Variants in LRMDA observed in about 807,000 individuals in gnomAD.
LRMDA encodes leucine-rich melanocyte differentiation-associated protein.
LRMDA carries 18 observed loss-of-function variants against 29.8 expected under a neutral mutation model. The ratio of observed to expected loss-of-function variants is 0.60; its 90% confidence interval spans 0.42 to 0.90. LRMDA has a LOEUF of 0.90. LRMDA is among the 40% of genes least tolerant of loss of function. The pLI is 0.00. For synonymous variants in LRMDA, 125 were observed against 109.4 expected (o/e 1.14, Z -0.89); for missense variants, 273 against 273.9 (o/e 1.00, Z 0.02).
At chr10:75,647,251 AT>A (rs368493739) in intron 2 of LRMDA, among the ~76,000 whole-genome samples, 120 of 151,656 alleles carry the variant, frequency 7.9e-4, no homozygotes, top group Non-Finnish European at 1.6e-3. Flanking sequence ...ACCATGTCCA[AT>A]TTTTTTTTAA....
chr10:75,437,582 T>C (rs1319393425), intron 1 of LRMDA, among the ~76,000 whole-genome samples: 1 of 152,188 alleles, frequency 6.6e-6, no homozygotes, highest in Non-Finnish European at 1.5e-5. Context: ...TTCCAAAAAC[T>C]GGGTGATTAG....
chr10:75,476,959 C>T (rs1401409070), intron 2 of LRMDA, among the ~76,000 whole-genome samples: 1 of 151,880 alleles, frequency 6.6e-6, no homozygotes, highest in Non-Finnish European at 1.5e-5. Flanking sequence ...CTATCTGTGT[C>T]CTGATCACCT....
At chr10:75,630,382 A>G (rs1841308093) in intron 2 of LRMDA, among the ~76,000 whole-genome samples, 1 of 152,236 alleles carries the variant, frequency 6.6e-6, no homozygotes, top group African/African-American at 2.4e-5. Context: ...TTTGCGGGCA[A>G]TGCAAATACC....
intron 2 of LRMDA, among the ~76,000 whole-genome samples, chr10:75,705,549 G>A (rs1232295444): frequency 6.6e-6 from 1 of 152,236 alleles, no homozygotes; most frequent in Non-Finnish European, 1.5e-5. Context: ...GGAGAAACTG[G>A]AGTTTTCTCA....
intron 6 of LRMDA, among the ~76,000 whole-genome samples, chr10:76,478,907 G>A (rs1842707355): frequency 1.3e-5 from 2 of 149,234 alleles, no homozygotes; most frequent in Admixed American, 1.3e-4. Context: ...TGGGGTGTGG[G>A]GGAGGGGGGA....
chr10:75,537,861 T>C (rs10437385), intron 2 of LRMDA, among the ~76,000 whole-genome samples: 3,840 of 152,308 alleles, frequency 0.025, 177 homozygotes, highest in African/African-American at 0.087. Flanking sequence ...GCTTGTCCTG[T>C]GTGTCCCCTC....
At chr10:76,005,803 G>A (rs1183835870) in intron 2 of LRMDA, among the ~76,000 whole-genome samples, 3 of 151,278 alleles carry the variant, frequency 2.0e-5, no homozygotes, top group East Asian at 2.0e-4. Context: ...GGTGGCGGGC[G>A]CCTGTAGTCC....
At chr10:76,276,962 G>A (rs748398691) in intron 5 of LRMDA, among the ~76,000 whole-genome samples, 20 of 152,074 alleles carry the variant, frequency 1.3e-4, no homozygotes, top group South Asian at 2.1e-4. Context: ...TCCTCATTCC[G>A]TTCTCAGAGC....
At chr10:76,175,265 G>A (rs139501246) in intron 5 of LRMDA, among the ~76,000 whole-genome samples, 17 of 152,280 alleles carry the variant, frequency 1.1e-4, no homozygotes, top group African/African-American at 3.6e-4. Context: ...CTGTGGGTCT[G>A]GATGAGGATA....
chr10:76,049,277 T>C (rs1848491998), intron 4 of LRMDA, among the ~76,000 whole-genome samples: 1 of 152,180 alleles, frequency 6.6e-6, no homozygotes, highest in Non-Finnish European at 1.5e-5. Flanking sequence ...TATGACAAAG[T>C]TGCCATGAGA....
intron 2 of LRMDA, among the ~76,000 whole-genome samples, chr10:75,952,926 T>A (rs150223437): frequency 1.3e-5 from 2 of 151,824 alleles, no homozygotes; most frequent in Non-Finnish European, 2.9e-5. Context: ...AGCTACCTTT[T>A]GTATTTTTAG....
chr10:75,762,553 G>T (rs781730678), intron 2 of LRMDA, among the ~76,000 whole-genome samples: 1 of 152,176 alleles, frequency 6.6e-6, no homozygotes, highest in Non-Finnish European at 1.5e-5. Context: ...CTTGTAAACC[G>T]CTGTGGACTT....
chr10:75,972,711 A>T (rs970166963), intron 2 of LRMDA, among the ~76,000 whole-genome samples: 1 of 152,152 alleles, frequency 6.6e-6, no homozygotes, highest in African/African-American at 2.4e-5. Flanking sequence ...GTCCAAATAC[A>T]TGAGAGATCG....
At chr10:75,831,589 C>G (rs1000655113) in intron 2 of LRMDA, among the ~76,000 whole-genome samples, 2 of 152,160 alleles carry the variant, frequency 1.3e-5, no homozygotes, top group African/African-American at 4.8e-5. Context: ...GCTAATGGCT[C>G]TCTTCTCATA....
At chr10:75,899,833 A>G (rs1015297857) in intron 2 of LRMDA, among the ~76,000 whole-genome samples, 3 of 151,572 alleles carry the variant, frequency 2.0e-5, no homozygotes, top group African/African-American at 7.3e-5. Flanking sequence ...AATGTGTTCA[A>G]CTCCCTTGCA....
chr10:76,194,075 G>A (rs1851292508), intron 5 of LRMDA, among the ~76,000 whole-genome samples: 2 of 152,218 alleles, frequency 1.3e-5, no homozygotes, highest in South Asian at 4.1e-4. Flanking sequence ...GTGGTGTGCA[G>A]TATTGCTTGA....
At chr10:76,253,074 C>T (rs928967885) in intron 5 of LRMDA, among the ~76,000 whole-genome samples, 1 of 152,184 alleles carries the variant, frequency 6.6e-6, no homozygotes, top group African/African-American at 2.4e-5. Flanking sequence ...CCAGTGCTTT[C>T]TGGGCTTTTA....
chr10:75,455,358 G>T (rs543190685), intron 2 of LRMDA, among the ~76,000 whole-genome samples: 4 of 152,154 alleles, frequency 2.6e-5, no homozygotes, highest in East Asian at 1.9e-4. Flanking sequence ...CAAAGGCCCC[G>T]AGTTGGGTTC....
intron 2 of LRMDA, among the ~76,000 whole-genome samples, chr10:75,565,971 A>C (rs1212692856): frequency 6.6e-6 from 1 of 152,162 alleles, no homozygotes; most frequent in Admixed American, 6.5e-5. Context: ...GCTTCTTGGG[A>C]GGCTGAGGTG....
Sources: gnomAD v4.1 joint callset for allele counts (sites outside exome capture counted in the v4.1 genomes callset) on GRCh38, gnomAD v4.1.1 for gene constraint, MANE v1.5 for transcripts, NCBI Gene and HGNC (gene_info 2026-07-23, HGNC 2026-07-21) for gene names.